Variants in SORCS1 observed in about 807,000 individuals in gnomAD.
The protein encoded by SORCS1 is sortilin related VPS10 domain containing receptor 1.
SORCS1 carries 60 observed loss-of-function variants against 146.1 expected under a neutral mutation model. The observed-to-expected ratio is 0.41, with a 90% CI of 0.33 to 0.51. The LOEUF is 0.51. Among genes scored for constraint, SORCS1 ranks in the 20% least tolerant of loss-of-function variants. The pLI, the probability that SORCS1 is intolerant of heterozygous loss-of-function variation, is 0.21. For missense variants in SORCS1, 1,352 were observed against 1,487.6 expected, an observed-to-expected ratio of 0.91 and a Z score of 1.50; for synonymous variants, 637 against 584.0, an observed-to-expected ratio of 1.09 and a Z score of -1.31.
chr10:106,654,523 G>A (rs1421935219), intron 17 of SORCS1, among the ~76,000 whole-genome samples: 1 of 152,176 alleles, frequency 6.6e-6, no homozygotes, highest in Admixed American at 6.5e-5. Context: ...GTGACTGTGT[G>A]AAATTCAAGC....
Position 106,918,681 on chromosome 10 carries a change from T to A in SORCS1, c.626+37832A>T, listed in dbSNP as rs559686114. Among the ~76,000 whole-genome samples the A allele has an allele frequency of 1.2e-3, 184 of 152,028 alleles. 1 individual carries two copies. Among genetic ancestry groups the A allele is most frequent in the African/African-American group, 4.3e-3 (178 of 41,502 alleles). ...CAAAAAAGCAAAAAACAAGCAATTA[T>A]CTCCTCACCAGAAGTTTCAACATCT... is the stretch of plus-strand genomic sequence containing the variant. On this transcript the variant is annotated intron_variant, in intron 2 of 25. Transcript: ENST00000263054.
intron 5 of SORCS1, among the ~76,000 whole-genome samples, chr10:106,735,928 A>C (rs1440322482): frequency 1.3e-5 from 2 of 152,218 alleles, no homozygotes; most frequent in Non-Finnish European, 2.9e-5. Flanking sequence ...GATGAAAACA[A>C]GACAAAGCCC....
chr10:106,737,479 C>A, intron 5 of SORCS1, among the ~76,000 whole-genome samples: 1 of 152,018 alleles, frequency 6.6e-6, no homozygotes, highest in East Asian at 1.9e-4. Context: ...GGCTCACACA[C>A]TTTGGGAGGC....
chr10:106,951,915 T>C (rs1487880233), intron 2 of SORCS1, among the ~76,000 whole-genome samples: 3 of 152,188 alleles, frequency 2.0e-5, no homozygotes, highest in African/African-American at 7.2e-5. Context: ...AAAATAGGAA[T>C]TGGCCCTTCC....
At chr10:106,982,137 A>C (rs1956268331) in intron 1 of SORCS1, among the ~76,000 whole-genome samples, 1 of 152,222 alleles carries the variant, frequency 6.6e-6, no homozygotes, top group South Asian at 2.1e-4. Context: ...GTCTTCGATT[A>C]GATTGTGTAG....
intron 1 of SORCS1, among the ~76,000 whole-genome samples, chr10:107,062,501 G>C (rs879279010): frequency 2.0e-5 from 3 of 151,916 alleles, no homozygotes; most frequent in Non-Finnish European, 4.4e-5. Flanking sequence ...AAAACAGAAG[G>C]AGATGTAATG....
Position 106,793,650 on chromosome 10 carries a change from G to A in SORCS1, c.727-16958C>T, listed in dbSNP as rs567225635. Among the ~76,000 whole-genome samples the A allele has an allele frequency of 5.9e-5, 9 of 152,242 alleles. No homozygotes were observed. In the South Asian group the frequency reaches 1.9e-3, roughly 32 times the overall value. ...TGTTTCAGAAACACACAATAACAGC[G>A]TTAGGCAAAAGAAAAATACTCTTAA... On this transcript the variant is annotated intron_variant, in intron 3 of 25. Coordinates refer to ENST00000263054, the MANE Select transcript of SORCS1 (RefSeq NM_052918.5).
intron 1 of SORCS1, among the ~76,000 whole-genome samples, chr10:106,969,015 T>G (rs1955642131): frequency 6.6e-6 from 1 of 152,214 alleles, no homozygotes; most frequent in South Asian, 2.1e-4. Flanking sequence ...ACAATTTGCC[T>G]AAAAGGAAAT....
chr10:106,856,386 C>T (rs1949788875), intron 2 of SORCS1, among the ~76,000 whole-genome samples: 1 of 152,096 alleles, frequency 6.6e-6, no homozygotes, highest in African/African-American at 2.4e-5. Flanking sequence ...GAGTCTTTGC[C>T]CCTGGAATGT....
intron 1 of SORCS1, among the ~76,000 whole-genome samples, chr10:107,150,666 C>T (rs1212567811): frequency 1.3e-5 from 2 of 152,192 alleles, no homozygotes; most frequent in African/African-American, 2.4e-5. Flanking sequence ...CACATAATCC[C>T]CACGTGCCAT....
At chr10:106,656,419 C>T (rs563974983) in intron 17 of SORCS1, among the ~76,000 whole-genome samples, 79 of 152,198 alleles carry the variant, frequency 5.2e-4, no homozygotes, top group Non-Finnish European at 4.3e-4. Flanking sequence ...GGCTTGCTGG[C>T]GGGCGCCTGT....
intron 17 of SORCS1, chr10:106,667,221 C>A (rs1456576134): frequency 6.4e-6 from 1 of 155,894 alleles, no homozygotes; most frequent in African/African-American, 2.4e-5. Context: ...CAAGACTGAA[C>A]ATAAAGAGAA....
In SORCS1 at chr10:106,963,110, A is replaced by ATTT. The variant is rs749174613; in HGVS notation, c.559-6533_559-6531dup. On this transcript the variant is annotated intron_variant, in intron 1 of 25. Coordinates refer to ENST00000263054, the MANE Select transcript of SORCS1 (RefSeq NM_052918.5). ...AAGAGAGCAGTGTTCAATGGCCAGAATTTTTTTTTTTTTTTTTTTTTTTTT... is the reference window on the plus strand; with the variant it reads ...AAGAGAGCAGTGTTCAATGGCCAGAATTTTTTTTTTTTTTTTTTTTTTTTTTTT... 2.1e-3 allele frequency among the ~76,000 whole-genome samples: 161 copies of ATTT among 76,284 alleles called. 13 individuals are homozygous for ATTT. The highest frequency in any genetic ancestry group is 6.4e-3 in the South Asian group (10 of 1,564). 50.0% of individuals were successfully genotyped at this position (76,284 alleles called of 152,430 possible). A position where few individuals can be genotyped will look rare whatever the true frequency, so the allele number is the denominator to read the frequency against.
chr10:106,730,306 A>G (rs1215264518), intron 5 of SORCS1, among the ~76,000 whole-genome samples, 192 bp from the exon 6 acceptor site: 1 of 152,238 alleles, frequency 6.6e-6, no homozygotes, highest in Non-Finnish European at 1.5e-5. Context: ...ATGATAATGA[A>G]AACTACATTT....
intron 6 of SORCS1, among the ~76,000 whole-genome samples, chr10:106,723,438 A>T (rs1443929943): frequency 6.6e-6 from 1 of 152,040 alleles, no homozygotes; most frequent in East Asian, 1.9e-4. Flanking sequence ...AAACAATAAA[A>T]GATCTGCTTC....
chr10:106,670,755 G>A (rs561176941), intron 16 of SORCS1, among the ~76,000 whole-genome samples: 145 of 150,078 alleles, frequency 9.7e-4, no homozygotes, highest in African/African-American at 3.4e-3. Flanking sequence ...GTGCAGTGGC[G>A]CGATCGTGGC....
At chr10:106,931,519 C>T (rs547021705) in intron 2 of SORCS1, among the ~76,000 whole-genome samples, 16 of 152,266 alleles carry the variant, frequency 1.1e-4, no homozygotes, top group Admixed American at 1.0e-3. Flanking sequence ...GTGTAAAGTC[C>T]TCTGAAAGCT....
intron 24 of SORCS1, among the ~76,000 whole-genome samples, chr10:106,583,248 C>T (rs888197109): frequency 9.2e-5 from 14 of 152,094 alleles, no homozygotes; most frequent in African/African-American, 2.9e-4. Flanking sequence ...GAAAAAAAAT[C>T]CTGAAAAATG....
At chr10:106,779,973 T>C (rs376511823) in intron 3 of SORCS1, among the ~76,000 whole-genome samples, 61 of 152,370 alleles carry the variant, frequency 4.0e-4, no homozygotes, top group African/African-American at 1.4e-3. Context: ...TATTTTAGTC[T>C]TAAATTCAAA....
Sources: gnomAD v4.1 joint callset for allele counts (sites outside exome capture counted in the v4.1 genomes callset) on GRCh38, gnomAD v4.1.1 for gene constraint, MANE v1.5 for transcripts, NCBI Gene and HGNC (gene_info 2026-07-23, HGNC 2026-07-21) for gene names.